Variants in CANX observed in about 807,000 individuals in gnomAD.
The protein encoded by CANX is calnexin.
Under a neutral mutation model 75.7 loss-of-function variants are expected in CANX, and 14 were observed. That is an observed-to-expected ratio of 0.19 (90% CI 0.12 to 0.29). The LOEUF (loss-of-function observed/expected upper bound fraction) is 0.29, where lower values mean the gene tolerates loss of function less well. Ranked by LOEUF, CANX falls within the 10% of genes least tolerant of loss-of-function variation. The probability of loss-of-function intolerance (pLI) is 1.00; values close to 1 mark genes in which losing one functional copy is unlikely to be tolerated. For missense variants in CANX, 567 were observed against 713.2 expected (o/e 0.79, Z 2.34); for synonymous variants, 227 against 236.9 (o/e 0.96, Z 0.38).
At chr5:179,707,934 T>G (rs1409633019) in intron 4 of CANX, among the ~76,000 whole-genome samples, 2 of 152,138 alleles carry the variant, frequency 1.3e-5, no homozygotes, top group African/African-American at 4.8e-5. Flanking sequence ...TTTCTTGGGT[T>G]CAAGCGATTC....
chr5:179,684,979 T>C (rs956164326), intron 1 of CANX, among the ~76,000 whole-genome samples: 2 of 143,254 alleles, frequency 1.4e-5, no homozygotes, highest in African/African-American at 5.3e-5. Context: ...GTTTTCACCA[T>C]GTTGGCCCTG....
At chr5:179,698,676 A>G, upstream of CANX, 11 of 1,085,962 alleles carry the variant, frequency 1.0e-5, no homozygotes, top group South Asian at 1.4e-4. Flanking sequence ...CGCCTGTTAA[A>G]CCAGCCCCGC....
chr5:179,718,537 T>C (rs897633075), intron 8 of CANX, among the ~76,000 whole-genome samples: 1 of 150,474 alleles, frequency 6.6e-6, no homozygotes, highest in Non-Finnish European at 1.5e-5. Context: ...ATGTTTTTTC[T>C]TTTTTTTTGA....
intron 10 of CANX, among the ~76,000 whole-genome samples, chr5:179,722,275 A>G (rs1307923692): frequency 2.0e-5 from 3 of 152,218 alleles, no homozygotes; most frequent in African/African-American, 7.2e-5. Flanking sequence ...CAGAAGTTAC[A>G]GTGAAAAAGA....
Position 179,731,531 on chromosome 5 carries a change from C to A in CANX, c.*2887C>A, listed in dbSNP as rs988030075. ...CACTTTTGCCTTGGTGGCCCACTTT[C>A]TCCATTTAAAACATTAGGATTTGTA... On this transcript the variant is annotated 3_prime_UTR_variant, in exon 15 of 15. Coordinates refer to ENST00000247461, the MANE Select transcript of CANX (RefSeq NM_001746.4). Among the ~76,000 whole-genome samples, 4 of 148,804 alleles carry A rather than the reference C, an allele frequency of 2.7e-5. No individual in the cohort carries two copies. The highest frequency in any genetic ancestry group is 9.8e-5 in the African/African-American group (4 of 40,788).
intron 1 of CANX, chr5:179,678,965 A>C (rs563732089): frequency 6.5e-7 from 1 of 1,535,836 alleles, no homozygotes; most frequent in Non-Finnish European, 8.7e-7. Context: ...GGCGAGGCCC[A>C]GCTCGGCCTG....
chr5:179,689,742 T>C (rs1352617508), intron 1 of CANX, among the ~76,000 whole-genome samples: 1 of 152,122 alleles, frequency 6.6e-6, no homozygotes, highest in African/African-American at 2.4e-5. Flanking sequence ...TGGAAGTCTT[T>C]ATTTGATTAT....
chr5:179,685,406 G>T (rs1776172671), intron 1 of CANX, among the ~76,000 whole-genome samples: 2 of 151,802 alleles, frequency 1.3e-5, no homozygotes, highest in South Asian at 4.2e-4. Context: ...GTGCCACCAT[G>T]CCTGGCTAAT....
chr5:179,684,919 ATTTTGTATTTTTTTTT>A (rs1776159000), intron 1 of CANX, among the ~76,000 whole-genome samples: 4 of 95,232 alleles, frequency 4.2e-5, no homozygotes, highest in Admixed American at 1.2e-4. Flanking sequence ...CACCTGGCTA[ATTTTGTATTTTTTTTT>A]TTTTTTTTTT....
chr5:179,712,672 G>A (rs1423502976), intron 7 of CANX, among the ~76,000 whole-genome samples: 2 of 149,982 alleles, frequency 1.3e-5, no homozygotes, highest in Admixed American at 1.3e-4. Context: ...TGATCTGCCC[G>A]CCTCAGCCTC....
chr5:179,686,108 T>A (rs1441892325), intron 1 of CANX, among the ~76,000 whole-genome samples: 1 of 148,076 alleles, frequency 6.8e-6, no homozygotes, highest in African/African-American at 2.5e-5. Context: ...AAGTCTTTTT[T>A]TTTTTTTTGA....
At chr5:179,728,439 C>A in intron 14 of CANX, 152 bp from the exon 15 acceptor site, 1 of 604,092 alleles carries the variant, frequency 1.7e-6, no homozygotes, top group South Asian at 2.0e-5. Context: ...ACCTCTGAGA[C>A]AACCATTCTT....
intron 13 of CANX, 86 bp from the exon 14 acceptor site, chr5:179,726,589 AAAAAT>A: frequency 1.1e-6 from 1 of 896,334 alleles, no homozygotes; most frequent in Non-Finnish European, 1.7e-6. Flanking sequence ...AAAAAAAAAA[AAAAAT>A]TGTAGATCTA....
intron 13 of CANX, among the ~76,000 whole-genome samples, chr5:179,726,236 G>A (rs926165272): frequency 6.6e-6 from 1 of 151,810 alleles, no homozygotes; most frequent in Non-Finnish European, 1.5e-5. Flanking sequence ...GCAGTGAGCC[G>A]AGATCATGCC....
upstream of CANX, among the ~76,000 whole-genome samples, chr5:179,695,317 C>T (rs541050791): frequency 2.6e-5 from 4 of 151,392 alleles, no homozygotes; most frequent in South Asian, 8.4e-4. Context: ...CCTCGGCTTC[C>T]CAAAGTGCTA....
intron 12 of CANX, among the ~76,000 whole-genome samples, chr5:179,724,264 AAAG>A (rs1300657755): frequency 1.3e-5 from 2 of 152,112 alleles, no homozygotes; most frequent in African/African-American, 4.8e-5. Flanking sequence ...TATCATAAAA[AAAG>A]AAAGTCTTAT....
In CANX at chr5:179,723,672, G is replaced by T. The variant is rs1251891791; in HGVS notation, c.1411G>T (p.Gly471Trp). 5.6e-6 allele frequency: 9 copies of T among 1,613,296 alleles called. No homozygotes were observed. The African/African-American group carries it at 1.2e-4, about 22-fold the overall frequency. The change falls in exon 12 of 15, where the codon GGG becomes TGG. Residue 471 changes from glycine to tryptophan, a missense_variant. Gly to Trp is a radical substitution (Grantham distance 184). Transcript: ENST00000247461. The stretch of plus-strand genomic sequence containing the variant: ...TCTTGTTTTTCAGCCAGGCGTTGTG[G>T]GGCAGATGATCGAGGCAGCTGAAGA... ...ADGAAEPGVV[G>W]QMIEAAEERP...
chr5:179,694,756 G>C (rs779737745), upstream of CANX: 9 of 625,530 alleles, frequency 1.4e-5, no homozygotes, highest in Non-Finnish European at 2.3e-5. Context: ...GAGATGAGGA[G>C]GAGGATGAAT....
At chr5:179,708,516 C>T in intron 5 of CANX, 136 bp downstream of exon 5, 1 of 626,110 alleles carries the variant, frequency 1.6e-6, no homozygotes, top group East Asian at 3.0e-5. Context: ...ATTTAAACAC[C>T]TTGTAATTAA....
Sources: gnomAD v4.1 joint callset for allele counts (sites outside exome capture counted in the v4.1 genomes callset) on GRCh38, gnomAD v4.1.1 for gene constraint, MANE v1.5 for transcripts, NCBI Gene and HGNC (gene_info 2026-07-23, HGNC 2026-07-21) for gene names.